Variants in VPS13A observed in about 807,000 individuals in gnomAD.
VPS13A encodes vacuolar protein sorting 13 homolog A.
VPS13A carries 264 observed loss-of-function variants against 390.9 expected under a neutral mutation model. The observed-to-expected ratio is 0.68, with a 90% CI of 0.61 to 0.75. VPS13A has a LOEUF of 0.75. Ranked by LOEUF, VPS13A falls within the 30% of genes least tolerant of loss-of-function variation. VPS13A has a pLI of 0.00. For synonymous variants in VPS13A, 1,231 were observed against 1,227.1 expected (o/e 1.00, Z -0.07); for missense variants, 3,409 against 3,733.9 (o/e 0.91, Z 2.27).
rs1239221382 is a variant in VPS13A, at chr9:77,358,601, A to C, written c.8035+163A>C. Among the ~76,000 whole-genome samples, 6 of 152,198 alleles carry C rather than the reference A, an allele frequency of 3.9e-5. No homozygotes were observed. In the East Asian group the frequency reaches 1.2e-3, roughly 29 times the overall value. ...GACCAGCAAGTACTATACACAACTA[A>C]CTTTGATAAGATTTTGAGTGAATCT... On this transcript the variant is annotated intron_variant, in intron 57 of 71. Coordinates refer to ENST00000360280, the MANE Select transcript of VPS13A (RefSeq NM_033305.3).
At chr9:77,245,251 T>C (rs1474053092) in intron 19 of VPS13A, among the ~76,000 whole-genome samples, 1 of 152,180 alleles carries the variant, frequency 6.6e-6, no homozygotes, top group African/African-American at 2.4e-5. Flanking sequence ...CTAAGGCTTG[T>C]GGTAGGACTT....
chr9:77,354,803 C>A (rs1831671337), intron 54 of VPS13A, among the ~76,000 whole-genome samples: 1 of 152,108 alleles, frequency 6.6e-6, no homozygotes, highest in Admixed American at 6.5e-5. Context: ...ACCCATCTCA[C>A]CCCCCAATAT....
chr9:77,410,779 C>A (rs1366831126), intron 71 of VPS13A, among the ~76,000 whole-genome samples: 1 of 152,124 alleles, frequency 6.6e-6, no homozygotes, highest in Non-Finnish European at 1.5e-5. Flanking sequence ...TACAGGAGCA[C>A]CCAGATTCAT....
rs141092445 is a variant in VPS13A at position 77,256,127 on chromosome 9, T to C, written c.2288+3775T>C. Among the ~76,000 whole-genome samples, 5 of 152,224 alleles carry C rather than the reference T, an allele frequency of 3.3e-5. No individual in the cohort carries two copies. In the East Asian group the frequency reaches 5.8e-4, roughly 18 times the overall value. ...TTTCTTCTTTATTAATGTAGGTGTT[T>C]ACAGCTATAAAGTCCGCTTTTGGCA... is the stretch of plus-strand genomic sequence containing the variant. On this transcript the variant is annotated intron_variant, in intron 22 of 71. Coordinates refer to ENST00000360280, the MANE Select transcript of VPS13A (RefSeq NM_033305.3).
At chr9:77,237,256 A>G (rs1824203384) in intron 17 of VPS13A, among the ~76,000 whole-genome samples, 1 of 151,830 alleles carries the variant, frequency 6.6e-6, no homozygotes, top group Admixed American at 6.6e-5. Flanking sequence ...AGATTTTATA[A>G]TTTTCACCAG....
chr9:77,340,311 C>CT, intron 49 of VPS13A, 29 bp downstream of exon 49: 1 of 1,606,782 alleles, frequency 6.2e-7, no homozygotes, highest in Non-Finnish European at 8.5e-7. Context: ...TATCAAGAAA[C>CT]TTTTATTTTA....
chr9:77,333,361 C>T (rs1830375598), intron 46 of VPS13A, among the ~76,000 whole-genome samples: 1 of 151,014 alleles, frequency 6.6e-6, no homozygotes, highest in Admixed American at 6.6e-5. Flanking sequence ...AGAATTGTTA[C>T]TGACTAAGTA....
At chr9:77,259,556 AAACT>A (rs1210830122) in intron 22 of VPS13A, among the ~76,000 whole-genome samples, 13 of 152,306 alleles carry the variant, frequency 8.5e-5, no homozygotes, top group African/African-American at 3.1e-4. Context: ...CTGATAGTGA[AAACT>A]AACTTTCTGT....
chr9:77,224,638 G>A (rs1289471146), intron 13 of VPS13A, among the ~76,000 whole-genome samples: 2 of 152,198 alleles, frequency 1.3e-5, no homozygotes, highest in African/African-American at 4.8e-5. Context: ...ATGAGGAGCT[G>A]CTTCTTATAG....
intron 1 of VPS13A, among the ~76,000 whole-genome samples, chr9:77,189,128 T>C (rs1824520138): frequency 6.8e-6 from 1 of 147,092 alleles, no homozygotes; most frequent in Admixed American, 6.7e-5. Flanking sequence ...TAGGTCCCAC[T>C]TGCCTTTTTT....
chr9:77,417,357 C>G lies in VPS13A; in HGVS notation c.*1351C>G, dbSNP rs771170739. ...TGTAAAAGCTAAAATAAACAGCATGCTATATTGTAATTGTATTTCTTGCTG... is the reference window on the plus strand; with the variant it reads ...TGTAAAAGCTAAAATAAACAGCATGGTATATTGTAATTGTATTTCTTGCTG... On this transcript the variant is annotated 3_prime_UTR_variant, in exon 72 of 72. Transcript: ENST00000360280. The G allele has an allele frequency of 6.6e-6, 1 of 152,146 alleles. No individual in the cohort carries two copies. The highest frequency in any genetic ancestry group is 1.5e-5 in the Non-Finnish European group (1 of 68,026). 9.4% of individuals were successfully genotyped at this position (152,146 alleles called of 1,614,324 possible). A position where few individuals can be genotyped will look rare whatever the true frequency, so the allele number is the denominator to read the frequency against.
At chr9:77,311,606 G>A (rs1829081790) in intron 35 of VPS13A, among the ~76,000 whole-genome samples, 1 of 151,686 alleles carries the variant, frequency 6.6e-6, no homozygotes, top group Admixed American at 6.6e-5. Context: ...AACTAAAGAA[G>A]AAAATACACA....
chr9:77,237,261 C>T (rs1824203541), intron 17 of VPS13A, among the ~76,000 whole-genome samples: 1 of 152,092 alleles, frequency 6.6e-6, no homozygotes, highest in African/African-American at 2.4e-5. Flanking sequence ...TTATAATTTT[C>T]ACCAGTTCTT....
intron 34 of VPS13A, among the ~76,000 whole-genome samples, chr9:77,306,129 A>T (rs1425871509): frequency 6.6e-6 from 1 of 152,062 alleles, no homozygotes; most frequent in Admixed American, 6.6e-5. Flanking sequence ...ATGAAAGCTT[A>T]AAAAAAACCC....
chr9:77,287,666 A>G (rs1450350209), intron 31 of VPS13A, among the ~76,000 whole-genome samples: 8 of 152,204 alleles, frequency 5.3e-5, no homozygotes, highest in African/African-American at 1.4e-4. Context: ...AGGATTATCA[A>G]GAAATGCTTT....
Position 77,209,551 on chromosome 9 carries a change from GA to G in VPS13A, c.495+20del. 6.9e-7 allele frequency: 1 copy of G among 1,442,310 alleles called. No homozygotes were observed. The highest frequency in any genetic ancestry group is 9.6e-7 in the Non-Finnish European group (1 of 1,036,464). The allele number at this position is 1,442,310 out of a possible 1,614,324, so 89.3% of individuals were successfully genotyped here. On this transcript the variant is annotated intron_variant, in intron 6 of 71. Coordinates refer to ENST00000360280, the MANE Select transcript of VPS13A (RefSeq NM_033305.3). ...AGATGATGTAAGTATTTTAATATGT[GA>G]TATTTGTTTTTATATTTATATGTAA... is the stretch of plus-strand genomic sequence containing the variant.
At chr9:77,411,076 A>G (rs1180318751) in intron 71 of VPS13A, among the ~76,000 whole-genome samples, 1 of 152,228 alleles carries the variant, frequency 6.6e-6, no homozygotes, top group Non-Finnish European at 1.5e-5. Flanking sequence ...AACAGAAATT[A>G]TAACAAACTC....
chr9:77,333,758 T>C (rs1830402383), intron 46 of VPS13A, among the ~76,000 whole-genome samples: 1 of 152,262 alleles, frequency 6.6e-6, no homozygotes, highest in East Asian at 1.9e-4. Context: ...CTTAGATTAA[T>C]GATACAGATA....
chr9:77,398,824 A>C (rs1834227975), intron 68 of VPS13A, among the ~76,000 whole-genome samples: 1 of 152,098 alleles, frequency 6.6e-6, no homozygotes, highest in African/African-American at 2.4e-5. Context: ...AACAAAGGAT[A>C]CGGTTGGCAG....
Sources: gnomAD v4.1 joint callset for allele counts (sites outside exome capture counted in the v4.1 genomes callset) on GRCh38, gnomAD v4.1.1 for gene constraint, MANE v1.5 for transcripts, NCBI Gene and HGNC (gene_info 2026-07-23, HGNC 2026-07-21) for gene names.